The following CADM2 variants were observed in gnomAD, a reference collection of about 807,000 sequenced individuals.
The protein encoded by CADM2 is cell adhesion molecule 2, also known as immunoglobulin superfamily member 4D.
A neutral mutation model predicts 49.8 loss-of-function variants in CADM2; 12 were observed. The observed-to-expected ratio is 0.24, with a 90% confidence interval of 0.15 to 0.39. The LOEUF (loss-of-function observed/expected upper bound fraction) is 0.39, where lower values mean the gene tolerates loss of function less well. Ranked by LOEUF, CADM2 falls within the 10% of genes least tolerant of loss-of-function variation. The pLI, the probability that CADM2 is intolerant of heterozygous loss-of-function variation, is 1.00. For synonymous variants in CADM2, 214 were observed against 175.4 expected (o/e 1.22, Z -1.74); for missense variants, 378 against 492.3 (o/e 0.77, Z 2.20).
chr3:85,835,845 G>T (rs1054659124), intron 3 of CADM2, among the ~76,000 whole-genome samples: 1 of 150,072 alleles, frequency 6.7e-6, no homozygotes, highest in Admixed American at 6.7e-5. Flanking sequence ...TAGTGTCAGA[G>T]TATCTCTAAC....
At chr3:85,950,883 A>G (rs1723350864) in intron 7 of CADM2, among the ~76,000 whole-genome samples, 1 of 151,114 alleles carries the variant, frequency 6.6e-6, no homozygotes, top group Admixed American at 6.6e-5. Flanking sequence ...AAGTAGATAA[A>G]CTTAGAATCA....
intron 3 of CADM2, among the ~76,000 whole-genome samples, chr3:85,843,431 T>TA (rs140807604): frequency 0.051 from 7,745 of 151,538 alleles, 553 homozygotes; most frequent in African/African-American, 0.16. Flanking sequence ...AAAGTTACAA[T>TA]AGGATATATG....
intron 2 of CADM2, among the ~76,000 whole-genome samples, chr3:85,769,538 CACGTATAT>C (rs2069930054): frequency 8.9e-6 from 1 of 112,600 alleles, no homozygotes; most frequent in South Asian, 2.6e-4. Context: ...TGTATATATA[CACGTATAT>C]ACATATATGT....
chr3:85,690,484 A>G (rs2066348260), intron 1 of CADM2, among the ~76,000 whole-genome samples: 1 of 151,544 alleles, frequency 6.6e-6, no homozygotes, highest in African/African-American at 2.4e-5. Flanking sequence ...AATGAATAAA[A>G]GTAAATGGGG....
chr3:85,915,554 A>G (rs1390142858), intron 6 of CADM2, among the ~76,000 whole-genome samples: 2 of 152,098 alleles, frequency 1.3e-5, no homozygotes, highest in East Asian at 3.9e-4. Flanking sequence ...ATTTTCATAA[A>G]CATCTTAGAA....
intron 8 of CADM2, among the ~76,000 whole-genome samples, chr3:86,035,312 C>T (rs577921543): frequency 6.6e-6 from 1 of 151,864 alleles, no homozygotes; most frequent in Non-Finnish European, 1.5e-5. Flanking sequence ...TCTATTTCTC[C>T]TTTTCAATAT....
intron 3 of CADM2, among the ~76,000 whole-genome samples, chr3:85,839,507 C>CT (rs2074548883): frequency 6.6e-6 from 1 of 151,628 alleles, no homozygotes; most frequent in Non-Finnish European, 1.5e-5. Flanking sequence ...AACCTTAGGA[C>CT]TATTTCTTTG....
At chr3:85,844,920 G>A (rs748681592) in intron 3 of CADM2, among the ~76,000 whole-genome samples, 3 of 151,936 alleles carry the variant, frequency 2.0e-5, no homozygotes, top group Non-Finnish European at 4.4e-5. Flanking sequence ...GGAGGCTGGG[G>A]TGGGAGGATA....
chr3:85,194,514 G>A (rs962440759), intron 1 of CADM2, among the ~76,000 whole-genome samples: 1 of 151,990 alleles, frequency 6.6e-6, no homozygotes, highest in African/African-American at 2.4e-5. Context: ...TAAGAAAAGA[G>A]AATTTATTTC....
chr3:85,132,422 A>T (rs2039262495), intron 1 of CADM2, among the ~76,000 whole-genome samples: 1 of 152,160 alleles, frequency 6.6e-6, no homozygotes, highest in Non-Finnish European at 1.5e-5. Context: ...GGCTTAATTA[A>T]GTGGCACCTG....
intron 8 of CADM2, among the ~76,000 whole-genome samples, chr3:86,019,454 T>C (rs1732814303): frequency 6.6e-6 from 1 of 151,306 alleles, no homozygotes; most frequent in Non-Finnish European, 1.5e-5. Context: ...ATTGAATCTG[T>C]AAATTATCTT....
intron 1 of CADM2, among the ~76,000 whole-genome samples, chr3:85,426,892 T>C (rs2036431909): frequency 6.6e-6 from 1 of 151,826 alleles, no homozygotes; most frequent in Admixed American, 6.6e-5. Context: ...TATATATGTA[T>C]ATATTTGAGA....
chr3:85,574,830 T>C (rs1415927423), intron 1 of CADM2, among the ~76,000 whole-genome samples: 1 of 152,102 alleles, frequency 6.6e-6, no homozygotes. Flanking sequence ...TCTAGGGGGT[T>C]CTCATAAAAT....
intron 3 of CADM2, among the ~76,000 whole-genome samples, chr3:85,853,613 G>T (rs1275384713): frequency 6.6e-6 from 1 of 151,100 alleles, no homozygotes; most frequent in Non-Finnish European, 1.5e-5. Context: ...GAGAAAGTGA[G>T]CCACTTAGTG....
intron 1 of CADM2, among the ~76,000 whole-genome samples, chr3:85,209,106 T>G (rs2041717660): frequency 6.6e-6 from 1 of 152,172 alleles, no homozygotes; most frequent in African/African-American, 2.4e-5. Context: ...TTAAAGATAT[T>G]AAATATGCTG....
At chr3:85,199,719 T>G (rs2041444837) in intron 1 of CADM2, among the ~76,000 whole-genome samples, 2 of 151,968 alleles carry the variant, frequency 1.3e-5, no homozygotes, top group Non-Finnish European at 2.9e-5. Flanking sequence ...AATAAGGAAG[T>G]TCATAAAATT....
At chr3:85,317,506 T>A (rs2044497737) in intron 1 of CADM2, among the ~76,000 whole-genome samples, 1 of 152,182 alleles carries the variant, frequency 6.6e-6, no homozygotes, top group Non-Finnish European at 1.5e-5. Context: ...AAAATTATTT[T>A]CTCATGGTTA....
In CADM2 at chr3:85,989,338, A is replaced by C. The variant is rs147113709; in HGVS notation, c.970+27691A>C. Among the ~76,000 whole-genome samples, 25 of 152,230 alleles carry C rather than the reference A, an allele frequency of 1.6e-4. No homozygotes were observed. The East Asian group carries it at 4.6e-3, about 28-fold the overall frequency. On this transcript the variant is annotated intron_variant, in intron 8 of 9. Coordinates refer to ENST00000383699, the MANE Select transcript of CADM2 (RefSeq NM_001167675.2). ...GTGAAGTTATCCTAAGCAAAGAAAA[A>C]CTGGAGCCATTTTTGGGTACCACTT... is the stretch of plus-strand genomic sequence containing the variant.
At chr3:85,178,305 T>C (rs1267194115) in intron 1 of CADM2, among the ~76,000 whole-genome samples, 1 of 151,942 alleles carries the variant, frequency 6.6e-6, no homozygotes, top group Non-Finnish European at 1.5e-5. Flanking sequence ...TTTTTATAAT[T>C]GGTACACATT....
Sources: allele counts gnomAD v4.1 joint callset (sites outside exome capture counted in the v4.1 genomes callset), GRCh38; gene constraint gnomAD v4.1.1; transcripts MANE v1.5; gene names NCBI Gene and HGNC (gene_info 2026-07-23, HGNC 2026-07-21).